The following SLC34A1 variants were observed in gnomAD, a reference collection of about 807,000 sequenced individuals.
The protein encoded by SLC34A1 is sodium-dependent phosphate transport protein 2A.
Under a neutral mutation model 51.4 loss-of-function variants are expected in SLC34A1, and 57 were observed. The observed-to-expected ratio is 1.11, with a 90% confidence interval of 0.90 to 1.38. The LOEUF is 1.38. Ranked by LOEUF, SLC34A1 falls within the 40% of genes most tolerant of loss-of-function variation. SLC34A1 has a pLI of 0.00. For missense variants in SLC34A1, 796 were observed against 835.6 expected, an observed-to-expected ratio of 0.95 and a Z score of 0.58; for synonymous variants, 368 against 358.0, an observed-to-expected ratio of 1.03 and a Z score of -0.32.
In SLC34A1 at chr5:177,386,081, G is replaced by A; in HGVS notation, c.204G>A (p.Leu68=). 1 of 1,612,702 alleles carries A rather than the reference G, an allele frequency of 6.2e-7. No homozygotes were observed. Among genetic ancestry groups the A allele is most frequent in the Non-Finnish European group, 8.5e-7 (1 of 1,179,238 alleles). ...ACACCTGCCCCTGTGGGGAGGTCCT[G>A]GAGCGCCATGAACCACTGCCTGCCA... ...AEHTCPCGEV[L]ERHEPLPAKL... is the part of the protein sequence containing the mutation. Residue 68 remains leucine, a synonymous_variant, in exon 3 of 13, where the codon CTG becomes CTA. Transcript: ENST00000324417. This position sits in a 1 kb window ranked among gnomAD's most constrained non-coding sequence, Gnocchi z 4.8.
intron 10 of SLC34A1, among the ~76,000 whole-genome samples, chr5:177,394,633 G>A (rs1762902503): frequency 6.6e-6 from 1 of 151,494 alleles, no homozygotes; most frequent in South Asian, 2.1e-4. Flanking sequence ...GAAGCAGCAG[G>A]ATCACTTGAG....
In SLC34A1 at chr5:177,386,765, G is replaced by A. The variant is rs1762590648; in HGVS notation, c.532+199G>A. 6.6e-6 allele frequency among the ~76,000 whole-genome samples: 1 copy of A among 152,122 alleles called. No homozygotes were observed. ...ATGGCAAGGAACTGGCTTCCCCGAT[G>A]GTAGTTTGTCTGGGCAAGTCAGGAA... is the stretch of plus-strand genomic sequence containing the variant. On this transcript the variant is annotated intron_variant, in intron 5 of 12. Coordinates refer to ENST00000324417, the MANE Select transcript of SLC34A1 (RefSeq NM_003052.5). The surrounding 1 kb of genome is among the most constrained non-coding windows in gnomAD (Gnocchi z 4.8).
intron 5 of SLC34A1, among the ~76,000 whole-genome samples, chr5:177,387,515 G>T: frequency 6.6e-6 from 1 of 152,304 alleles, no homozygotes; most frequent in Admixed American, 6.5e-5. Context: ...GGCCTCACAC[G>T]CACACACGTT....
chr5:177,398,416 C>T lies in SLC34A1; in HGVS notation c.*130C>T. The T allele has an allele frequency of 9.3e-7, 1 of 1,073,996 alleles. No individual in the cohort carries two copies. The highest frequency in any genetic ancestry group is 1.3e-5 in the South Asian group (1 of 79,878). The allele number at this position is 1,073,996 out of a possible 1,614,324, so 66.5% of individuals were successfully genotyped here. On this transcript the variant is annotated 3_prime_UTR_variant, in exon 13 of 13. Coordinates refer to ENST00000324417, the MANE Select transcript of SLC34A1 (RefSeq NM_003052.5). This position sits in a 1 kb window ranked among gnomAD's most constrained non-coding sequence, Gnocchi z 4.7. ...GCCAGTCTCTCCTTCTGTAGCTCCG[C>T]AAAGCTCTGGGCTTGTGTGAGAGTG... is the stretch of plus-strand genomic sequence containing the variant.
Position 177,398,368 on chromosome 5 carries a change from C to A in SLC34A1, c.*82C>A. 2 of 1,523,786 alleles carry A rather than the reference C, an allele frequency of 1.3e-6. No individual in the cohort carries two copies. Among genetic ancestry groups the A allele is most frequent in the Non-Finnish European group, 1.8e-6 (2 of 1,113,258 alleles). 94.4% of individuals were successfully genotyped at this position (1,523,786 alleles called of 1,614,324 possible). On this transcript the variant is annotated 3_prime_UTR_variant, in exon 13 of 13. Transcript: ENST00000324417. This position sits in a 1 kb window ranked among gnomAD's most constrained non-coding sequence, Gnocchi z 4.7. ...GAGGGAGGGTGTGTGTAGGTATGTGCATGTGCCTGTGCCACCCTGGGTGCC... is the reference window on the plus strand; with the variant it reads ...GAGGGAGGGTGTGTGTAGGTATGTGAATGTGCCTGTGCCACCCTGGGTGCC...
chr5:177,394,425 G>A (rs1762895886), intron 10 of SLC34A1, among the ~76,000 whole-genome samples: 1 of 152,236 alleles, frequency 6.6e-6, no homozygotes, highest in African/African-American at 2.4e-5. Flanking sequence ...AAGGACCATT[G>A]TTTGATTCAA....
Position 177,386,314 on chromosome 5 carries a change from T to C in SLC34A1, c.353T>C (p.Leu118Pro), listed in dbSNP as rs770372151. The C allele has an allele frequency of 1.2e-6, 2 of 1,614,268 alleles. No individual in the cohort carries two copies. The highest frequency in any genetic ancestry group is 1.7e-6 in the Non-Finnish European group (2 of 1,180,040). ...TTCCTCTACCTCTTCGTCTGCTCCC[T>C]GGACATGCTCAGCTCGGCCTTCCAG... ...LTFLYLFVCS[L>P]DMLSSAFQLA... Residue 118 changes from leucine (L) to proline (P), a missense_variant, in exon 4 of 13, where the codon CTG (leucine) becomes CCG (proline). Coordinates refer to ENST00000324417, the MANE Select transcript of SLC34A1 (RefSeq NM_003052.5). The surrounding 1 kb of genome is among the most constrained non-coding windows in gnomAD (Gnocchi z 4.8).
Position 177,396,882 on chromosome 5 carries a change from G to A in SLC34A1, c.1291+33G>A, listed in dbSNP as rs780901722. Reference sequence around the variant, plus strand: ...CCCATGTAGAGGTGGAGTGGGGTGGGCCAGGGCTGGCAGGGAAAGGGCCGA... The same window carrying A: ...CCCATGTAGAGGTGGAGTGGGGTGGACCAGGGCTGGCAGGGAAAGGGCCGA... On this transcript the variant is annotated intron_variant, in intron 11 of 12. Coordinates refer to ENST00000324417, the MANE Select transcript of SLC34A1 (RefSeq NM_003052.5). The surrounding 1 kb of genome is among the most constrained non-coding windows in gnomAD (Gnocchi z 4.0). The A allele has an allele frequency of 1.2e-6, 2 of 1,614,172 alleles. No individual in the cohort carries two copies. The highest frequency in any genetic ancestry group is 1.7e-6 in the Non-Finnish European group (2 of 1,180,040).
At chr5:177,390,418 A>G in intron 8 of SLC34A1, 1 of 979,986 alleles carries the variant, frequency 1.0e-6, no homozygotes. Flanking sequence ...TCACGTCCCC[A>G]TTTTACAGAC....
chr5:177,386,232 G>C lies in SLC34A1; in HGVS notation c.271G>C (p.Val91Leu). Reference sequence around the variant, plus strand: ...CTTCCCCCATCCAGAGTCCAGGCTGGTCCCCAAGCTGCGCCAGGCTGGCGC... The same window carrying C: ...CTTCCCCCATCCAGAGTCCAGGCTGCTCCCCAAGCTGCGCCAGGCTGGCGC... ...EEEQKPESRL[V>L]PKLRQAGAML... Residue 91 changes from valine (V) to leucine (L), a missense_variant, in exon 4 of 13, where the codon GTC becomes CTC. Transcript: ENST00000324417. This position sits in a 1 kb window ranked among gnomAD's most constrained non-coding sequence, Gnocchi z 4.8. The C allele has an allele frequency of 6.5e-7, 1 of 1,544,044 alleles. No individual in the cohort carries two copies. Among genetic ancestry groups the C allele is most frequent in the Non-Finnish European group, 8.9e-7 (1 of 1,119,830 alleles).
chr5:177,391,296 T>C (rs1017160420), intron 8 of SLC34A1, among the ~76,000 whole-genome samples: 4 of 152,238 alleles, frequency 2.6e-5, no homozygotes, highest in Non-Finnish European at 5.9e-5. Context: ...TCCTCTCTTG[T>C]ACTTTAGGGT....
chr5:177,387,659 G>C, intron 5 of SLC34A1, 103 bp from the exon 6 acceptor site: 1 of 949,642 alleles, frequency 1.1e-6, no homozygotes. Context: ...TGGCAGGAGC[G>C]GCCACTGGGG....
chr5:177,393,595 G>A (rs1581644985), intron 8 of SLC34A1, 99 bp from the exon 9 acceptor site: 5 of 1,098,544 alleles, frequency 4.6e-6, no homozygotes, highest in South Asian at 1.3e-5. Flanking sequence ...AGAGCAGGAG[G>A]CCCATCTCCA....
chr5:177,396,968 T>C lies in SLC34A1; in HGVS notation c.1310T>C (p.Ile437Thr), dbSNP rs1762989781. The C allele has an allele frequency of 3.1e-6, 5 of 1,613,998 alleles. No individual in the cohort carries two copies. Among genetic ancestry groups the C allele is most frequent in the East Asian group, 2.2e-5 (1 of 44,894 alleles). The change falls in exon 12 of 13, where the codon ATT becomes ACT. Residue 437 changes from isoleucine to threonine, a missense_variant. Transcript: ENST00000324417. The surrounding 1 kb of genome is among the most constrained non-coding windows in gnomAD (Gnocchi z 4.0). ...TCCCCAGGTCTTGGTGTGATCAGCATTGAGAGGGCCTACCCGCTCACACTG... is the reference window on the plus strand; with the variant it reads ...TCCCCAGGTCTTGGTGTGATCAGCACTGAGAGGGCCTACCCGCTCACACTG... ...TPLIGLGVIS[I>T]ERAYPLTLGS...
chr5:177,398,022 G>C lies in SLC34A1; in HGVS notation c.1656G>C (p.Leu552=). The part of the protein sequence containing the change: ...VGVGTPFGAL[L]AFVVLINVLQ... ...TGGGCACGCCCTTCGGGGCCCTGCTGGCCTTCGTGGTGCTCATCAATGTCC... is the reference window on the plus strand; with the variant it reads ...TGGGCACGCCCTTCGGGGCCCTGCTCGCCTTCGTGGTGCTCATCAATGTCC... Residue 552 remains leucine, a synonymous_variant, in exon 13 of 13, where the codon CTG becomes CTC. Transcript: ENST00000324417. The surrounding 1 kb of genome is among the most constrained non-coding windows in gnomAD (Gnocchi z 4.7). The C allele has an allele frequency of 6.2e-7, 1 of 1,614,136 alleles. No individual in the cohort carries two copies. The highest frequency in any genetic ancestry group is 1.7e-5 in the Admixed American group (1 of 60,024).
rs1763042248 is a variant in SLC34A1 at position 177,398,402 on chromosome 5, C to G, written c.*116C>G. Reference sequence around the variant, plus strand: ...GTGCCACCCTGGGTGCCAGTCTCTCCTTCTGTAGCTCCGCAAAGCTCTGGG... The same window carrying G: ...GTGCCACCCTGGGTGCCAGTCTCTCGTTCTGTAGCTCCGCAAAGCTCTGGG... On this transcript the variant is annotated 3_prime_UTR_variant, in exon 13 of 13. Coordinates refer to ENST00000324417, the MANE Select transcript of SLC34A1 (RefSeq NM_003052.5). This position sits in a 1 kb window ranked among gnomAD's most constrained non-coding sequence, Gnocchi z 4.7. The G allele has an allele frequency of 8.4e-7, 1 of 1,196,962 alleles. No individual in the cohort carries two copies. The highest frequency in any genetic ancestry group is 1.7e-5 in the Admixed American group (1 of 59,316). 74.1% of individuals were successfully genotyped at this position (1,196,962 alleles called of 1,614,324 possible). A position where few individuals can be genotyped will look rare whatever the true frequency, so the allele number is the denominator to read the frequency against.
chr5:177,385,769 TC>T lies in SLC34A1; in HGVS notation c.32del (p.Pro11LeufsTer13). ...GTTGTCCTACGGAGAGAGGCTGGGG[TC>T]CCCTGCTGTCTCCCCACTCCCAGTC... The part of the protein sequence containing the change: MLSYGERLG[S>X]PAVSPLPVRG... On this transcript the variant is annotated frameshift_variant, in exon 2 of 13. Coordinates refer to ENST00000324417, the MANE Select transcript of SLC34A1 (RefSeq NM_003052.5). LOFTEE classifies it high-confidence loss of function. 2 of 1,610,072 alleles carry T rather than the reference TC, an allele frequency of 1.2e-6. No individual in the cohort carries two copies. Among genetic ancestry groups the T allele is most frequent in the Non-Finnish European group, 1.7e-6 (2 of 1,179,062 alleles).
chr5:177,386,086 G>A lies in SLC34A1; in HGVS notation c.209G>A (p.Arg70His), dbSNP rs756418583. The change falls in exon 3 of 13, where the codon CGC (arginine) becomes CAC (histidine). Residue 70 changes from arginine (R) to histidine (H), a missense_variant. By Grantham distance (29) the Arg-to-His change is conservative. Coordinates refer to ENST00000324417, the MANE Select transcript of SLC34A1 (RefSeq NM_003052.5). The surrounding 1 kb of genome is among the most constrained non-coding windows in gnomAD (Gnocchi z 4.8). ...HTCPCGEVLE[R>H]HEPLPAKLAL... is the part of the protein sequence containing the mutation. ...TGCCCCTGTGGGGAGGTCCTGGAGC[G>A]CCATGAACCACTGCCTGCCAAGCTG... The A allele has an allele frequency of 2.9e-5, 46 of 1,612,802 alleles. 2 individuals carry two copies. The South Asian group carries it at 3.1e-4, about 11-fold the overall frequency.
intron 8 of SLC34A1, among the ~76,000 whole-genome samples, chr5:177,390,765 G>C (rs1208375439): frequency 1.3e-5 from 2 of 152,070 alleles, no homozygotes; most frequent in Non-Finnish European, 2.9e-5. Flanking sequence ...GGAAACTGCT[G>C]CGCTGGCCCA....
Sources: gnomAD v4.1 joint callset for allele counts (sites outside exome capture counted in the v4.1 genomes callset) on GRCh38, gnomAD v4.1.1 for gene constraint, Gnocchi (gnomAD v3.1) non-coding constraint, MANE v1.5 for transcripts, NCBI Gene and HGNC (gene_info 2026-07-23, HGNC 2026-07-21) for gene names.